The following MBNL1 variants were observed in gnomAD, a reference collection of about 807,000 sequenced individuals.
MBNL1 encodes the protein muscleblind-like protein 1.
MBNL1 carries 8 observed loss-of-function variants against 42.2 expected under a neutral mutation model. That is an observed-to-expected ratio of 0.19 (90% CI 0.11 to 0.34). The LOEUF (loss-of-function observed/expected upper bound fraction) is 0.34. MBNL1 is among the 10% of genes least tolerant of loss of function. The pLI is 1.00. For synonymous variants in MBNL1, 169 were observed against 173.9 expected (o/e 0.97, Z 0.22); for missense variants, 309 against 495.3 (o/e 0.62, Z 3.57).
At chr3:152,415,275 A>G (rs144206249) in intron 3 of MBNL1, among the ~76,000 whole-genome samples, 164 bp downstream of exon 3, 2 of 152,332 alleles carry the variant, frequency 1.3e-5, no homozygotes, top group African/African-American at 4.8e-5. Flanking sequence ...GGAACAATTT[A>G]TACTTTGTGT....
chr3:152,365,210 T>C (rs2096277545), intron 2 of MBNL1, among the ~76,000 whole-genome samples: 1 of 152,142 alleles, frequency 6.6e-6, no homozygotes, highest in Admixed American at 6.6e-5. Flanking sequence ...CCAAAAACGC[T>C]TGTCAGTTCA....
intron 2 of MBNL1, among the ~76,000 whole-genome samples, chr3:152,395,845 G>A (rs528349541): frequency 6.6e-6 from 1 of 152,334 alleles, no homozygotes; most frequent in East Asian, 1.9e-4. Flanking sequence ...TTTAGTTACT[G>A]CCATTTTACC....
chr3:152,387,803 TTATAAA>T (rs1237080005), intron 2 of MBNL1, among the ~76,000 whole-genome samples: 2 of 152,080 alleles, frequency 1.3e-5, no homozygotes, highest in African/African-American at 2.4e-5. Flanking sequence ...GTATATATAT[TTATAAA>T]TATAAGTATG....
At chr3:152,285,311 C>T (rs1468363436) in intron 1 of MBNL1, among the ~76,000 whole-genome samples, 3 of 152,078 alleles carry the variant, frequency 2.0e-5, no homozygotes, top group Admixed American at 6.5e-5. Context: ...TATCGTGTAT[C>T]GTGAATGAAG....
intron 2 of MBNL1, among the ~76,000 whole-genome samples, chr3:152,381,963 T>A (rs1426817654): frequency 6.6e-6 from 1 of 152,090 alleles, no homozygotes; most frequent in African/African-American, 2.4e-5. Context: ...AGGGAACAAA[T>A]TTTTGAGGCT....
chr3:152,306,520 G>T (rs1168989253), intron 2 of MBNL1, among the ~76,000 whole-genome samples: 3 of 152,148 alleles, frequency 2.0e-5, no homozygotes, highest in Admixed American at 2.0e-4. Context: ...TTAAGCAAAG[G>T]TTCTCTGAGC....
chr3:152,384,199 G>A (rs2097308965), intron 2 of MBNL1, among the ~76,000 whole-genome samples: 2 of 152,116 alleles, frequency 1.3e-5, no homozygotes, highest in African/African-American at 4.8e-5. Context: ...GAGGCAGAAT[G>A]TACCAAACTG....
chr3:152,263,131 A>C (rs1158655765), upstream of MBNL1: 2 of 152,240 alleles, frequency 1.3e-5, no homozygotes, highest in African/African-American at 4.8e-5. Context: ...TACCTCATGA[A>C]AAATGAAGAT....
chr3:152,451,835 G>T (rs1191258086), intron 6 of MBNL1, among the ~76,000 whole-genome samples: 8 of 151,866 alleles, frequency 5.3e-5, no homozygotes, highest in Non-Finnish European at 1.2e-4. Context: ...TTTTCACAAC[G>T]CCCAGAAGGT....
chr3:152,340,671 C>T (rs200875565), intron 2 of MBNL1: 61 of 1,613,820 alleles, frequency 3.8e-5, no homozygotes, highest in South Asian at 3.7e-4. Context: ...GAATCTTATT[C>T]GCATAATACC....
At chr3:152,417,658 T>C (rs2098724399) in intron 3 of MBNL1, among the ~76,000 whole-genome samples, 1 of 151,946 alleles carries the variant, frequency 6.6e-6, no homozygotes, top group African/African-American at 2.4e-5. Context: ...AGATCAATAA[T>C]TACTTGATGA....
At chr3:152,452,853 CA>C (rs1195627057) in intron 6 of MBNL1, among the ~76,000 whole-genome samples, 3 of 152,114 alleles carry the variant, frequency 2.0e-5, no homozygotes, top group Non-Finnish European at 4.4e-5. Flanking sequence ...TTACTTTAAA[CA>C]ACTTCTATTT....
At chr3:152,430,318 A>G (rs1219664172) in intron 3 of MBNL1, among the ~76,000 whole-genome samples, 2 of 152,214 alleles carry the variant, frequency 1.3e-5, no homozygotes, top group Admixed American at 1.3e-4. Context: ...ATAGTAGATT[A>G]TGTGCAATAA....
At chr3:152,316,251 C>G (rs534106323) in intron 2 of MBNL1, among the ~76,000 whole-genome samples, 80 of 152,288 alleles carry the variant, frequency 5.3e-4, no homozygotes, top group African/African-American at 1.9e-3. Flanking sequence ...AACCTGCGGC[C>G]TCAAACTTGT....
chr3:152,394,166 A>T (rs181879520), intron 2 of MBNL1, among the ~76,000 whole-genome samples: 238 of 152,310 alleles, frequency 1.6e-3, no homozygotes, highest in African/African-American at 5.5e-3. Context: ...GCAAAACCAA[A>T]TTTTTCCAAA....
At chr3:152,282,669 A>T (rs546126614) in intron 1 of MBNL1, among the ~76,000 whole-genome samples, 6 of 152,188 alleles carry the variant, frequency 3.9e-5, no homozygotes, top group African/African-American at 1.2e-4. Flanking sequence ...TAATTAAAAA[A>T]AAATTATTTA....
intron 1 of MBNL1, among the ~76,000 whole-genome samples, chr3:152,270,261 C>T (rs1559958773): frequency 6.6e-6 from 1 of 152,132 alleles, no homozygotes. Context: ...AGATGGATGG[C>T]AAACTCTGCC....
intron 2 of MBNL1, among the ~76,000 whole-genome samples, chr3:152,381,386 A>AC (rs890287589): frequency 1.4e-4 from 22 of 152,152 alleles, no homozygotes; most frequent in Non-Finnish European, 2.5e-4. Context: ...AAACAAACAA[A>AC]AAAAAGTAAA....
intron 2 of MBNL1, among the ~76,000 whole-genome samples, chr3:152,411,475 G>A (rs937160627): frequency 2.0e-5 from 3 of 152,238 alleles, no homozygotes; most frequent in Admixed American, 6.5e-5. Flanking sequence ...AGCCCAGATC[G>A]CGCCACTGCA....
Sources: gnomAD v4.1 joint callset for allele counts (sites outside exome capture counted in the v4.1 genomes callset) on GRCh38, gnomAD v4.1.1 for gene constraint, MANE v1.5 for transcripts, NCBI Gene and HGNC (gene_info 2026-07-23, HGNC 2026-07-21) for gene names.